Variants in FAT4 observed in about 807,000 individuals in gnomAD.
The protein encoded by FAT4 is protocadherin Fat 4.
Under a neutral mutation model 303.9 loss-of-function variants are expected in FAT4, and 84 were observed. That is an observed-to-expected ratio of 0.28 (90% CI 0.23 to 0.33). The LOEUF is 0.33. FAT4 is among the 10% of genes least tolerant of loss of function. The pLI, the probability that FAT4 is intolerant of heterozygous loss-of-function variation, is 1.00. For synonymous variants in FAT4, 2,307 were observed against 2,298.8 expected (o/e 1.00, Z -0.10); for missense variants, 6,005 against 6,146.8 (o/e 0.98, Z 0.77).
Position 125,450,593 on chromosome 4 carries a change from G to A in FAT4, c.9583G>A (p.Val3195Ile), listed in dbSNP as rs143764643. ...GATTGATGTGAATGATAATTCTCCA[G>A]TATTCCTCTCTGATGACTATTTCCC... ...NVIDVNDNSP[V>I]FLSDDYFPTV... Residue 3195 changes from valine (V) to isoleucine (I), a missense_variant, in exon 10 of 18, where the codon GTA becomes ATA. Transcript: ENST00000394329. The A allele has an allele frequency of 6.2e-6, 10 of 1,614,100 alleles. No homozygotes were observed. In the Middle Eastern group the frequency reaches 6.6e-4, roughly 107 times the overall value.
intron 16 of FAT4, among the ~76,000 whole-genome samples, chr4:125,482,437 T>G (rs1184248885): frequency 6.6e-6 from 1 of 152,120 alleles, no homozygotes; most frequent in Non-Finnish European, 1.5e-5. Flanking sequence ...TAGATATCCA[T>G]TTTTGCATCG....
At chr4:125,447,269 A>G (rs1725858220) in intron 9 of FAT4, among the ~76,000 whole-genome samples, 1 of 152,124 alleles carries the variant, frequency 6.6e-6, no homozygotes, top group Non-Finnish European at 1.5e-5. Context: ...AATATAGCTC[A>G]TTATTGATTT....
rs1370558546 is a variant in FAT4 at position 125,320,498 on chromosome 4, T to G, written c.4087T>G (p.Phe1363Val). The change falls in exon 2 of 18, where the codon TTT (phenylalanine) becomes GTT (valine). Residue 1363 changes from phenylalanine (F) to valine (V), a missense_variant. By Grantham distance (50) the Phe-to-Val change is conservative. Coordinates refer to ENST00000394329, the MANE Select transcript of FAT4 (RefSeq NM_001291303.3). ...TACTGGGACTAACAACCACGGAACT[T>G]TTAGCATTAGCCCAAACACTGGGAG... Reference protein sequence around the residue: ...SITGTNNHGTFSISPNTGSIF... With the variant: ...SITGTNNHGTVSISPNTGSIF... 1.2e-6 allele frequency: 2 copies of G among 1,613,960 alleles called. No individual in the cohort carries two copies. Among genetic ancestry groups the G allele is most frequent in the Non-Finnish European group, 8.5e-7 (1 of 1,180,002 alleles).
At chr4:125,321,742 T>C (rs1730962796) in intron 2 of FAT4, among the ~76,000 whole-genome samples, 156 bp downstream of exon 2, 2 of 152,160 alleles carry the variant, frequency 1.3e-5, no homozygotes. Context: ...TAACAGAGAG[T>C]TACATAAACT....
Position 125,448,899 on chromosome 4 carries a change from A to G in FAT4, c.7889A>G (p.Asp2630Gly). The stretch of plus-strand genomic sequence containing the variant: ...CAGGTGTCTATTAGTCAACCTCTGG[A>G]TTTTGAAAAGATACAAAAATATGTT... The part of the protein sequence containing the change: ...TGQVSISQPL[D>G]FEKIQKYVVW... Residue 2630 changes from aspartate to glycine, a missense_variant, in exon 10 of 18, where the codon GAT (aspartate) becomes GGT (glycine). Transcript: ENST00000394329. 1 of 1,611,202 alleles carries G rather than the reference A, an allele frequency of 6.2e-7. No individual in the cohort carries two copies. Among genetic ancestry groups the G allele is most frequent in the Non-Finnish European group, 8.5e-7 (1 of 1,179,358 alleles).
Position 125,415,591 on chromosome 4 carries a change from G to A in FAT4, c.6628G>A (p.Ala2210Thr). 1 of 1,614,038 alleles carries A rather than the reference G, an allele frequency of 6.2e-7. No individual in the cohort carries two copies. Among genetic ancestry groups the A allele is most frequent in the Non-Finnish European group, 8.5e-7 (1 of 1,179,978 alleles). The stretch of plus-strand genomic sequence containing the variant: ...ATTTCGGATAGACTCTGTCACAGGT[G>A]CCATCACTGTCGCTAAACCTTTGGA... ...QEFRIDSVTG[A>T]ITVAKPLDRE... Residue 2210 changes from alanine to threonine, a missense_variant, in exon 6 of 18, where the codon GCC (alanine) becomes ACC (threonine). Physicochemically the swap from Ala to Thr is moderately conservative, Grantham distance 58. Transcript: ENST00000394329.
chr4:125,316,422 C>A lies in FAT4; in HGVS notation c.11C>A (p.Ala4Glu), dbSNP rs771790673. 6.2e-7 allele frequency: 1 copy of A among 1,609,762 alleles called. No individual in the cohort carries two copies. Residue 4 changes from alanine to glutamate, a missense_variant, in exon 2 of 18, where the codon GCA becomes GAA. Ala to Glu is a moderately radical substitution (Grantham distance 107, BLOSUM62 -1). Transcript: ENST00000394329. The surrounding 1 kb of genome is among the most constrained non-coding windows in gnomAD (Gnocchi z 5.7). MDL[A>E]PDRATGRPWL... is the part of the protein sequence containing the mutation. ...TAGGGAGCCAGGACCATGGACTTAGCACCAGACAGGGCTACTGGCCGCCCG... is the reference window on the plus strand; with the variant it reads ...TAGGGAGCCAGGACCATGGACTTAGAACCAGACAGGGCTACTGGCCGCCCG...
At position 125,320,312 on chromosome 4, in the gene FAT4, T is replaced by G; in HGVS notation, c.3901T>G (p.Leu1301Val). The G allele has an allele frequency of 1.2e-6, 2 of 1,613,308 alleles. No individual in the cohort carries two copies. Among genetic ancestry groups the G allele is most frequent in the Non-Finnish European group, 1.7e-6 (2 of 1,179,266 alleles). ...GTIPLNSTCT[L>V]NIDILDENDN... ...AATCCCCCTCAATTCAACGTGTACT[T>G]TAAATATTGATATTTTAGATGAAAA... The change falls in exon 2 of 18, where the codon TTA (leucine) becomes GTA (valine). Residue 1301 changes from leucine to valine, a missense_variant. Physicochemically the swap from Leu to Val is conservative, Grantham distance 32. Coordinates refer to ENST00000394329, the MANE Select transcript of FAT4 (RefSeq NM_001291303.3).
Position 125,451,125 on chromosome 4 carries a change from C to T in FAT4, c.10115C>T (p.Ser3372Phe), listed in dbSNP as rs1263758558. The change falls in exon 10 of 18, where the codon TCT (serine) becomes TTT (phenylalanine). Residue 3372 changes from serine to phenylalanine, a missense_variant. By Grantham distance (155) the Ser-to-Phe change is radical. Coordinates refer to ENST00000394329, the MANE Select transcript of FAT4 (RefSeq NM_001291303.3). ...ILDREKEERV[S>F]LKVLAKNFGS... The stretch of plus-strand genomic sequence containing the variant: ...GATCGAGAAAAAGAAGAAAGGGTGT[C>T]TTTGAAGGTATTGGCCAAGAACTTT... 2 of 1,613,914 alleles carry T rather than the reference C, an allele frequency of 1.2e-6. No homozygotes were observed. Among genetic ancestry groups the T allele is most frequent in the African/African-American group, 2.7e-5 (2 of 74,876 alleles).
Position 125,449,686 on chromosome 4 carries a change from A to G in FAT4, c.8676A>G (p.Lys2892=). ...CTGAACTTACTGAGATTGGCTCCAA[A>G]GTAACTCAGGTATTTGCAACAGATC... ...DCPELTEIGS[K]VTQVFATDPD... is the part of the protein sequence containing the mutation. The change falls in exon 10 of 18, where the codon AAA becomes AAG. Residue 2892 remains lysine (K), a synonymous_variant. Coordinates refer to ENST00000394329, the MANE Select transcript of FAT4 (RefSeq NM_001291303.3). The G allele has an allele frequency of 2.5e-6, 4 of 1,613,972 alleles. No homozygotes were observed. The highest frequency in any genetic ancestry group is 2.2e-5 in the East Asian group (1 of 44,860).
intron 9 of FAT4, among the ~76,000 whole-genome samples, chr4:125,446,976 A>G (rs937174781): frequency 2.0e-5 from 3 of 152,042 alleles, no homozygotes; most frequent in Non-Finnish European, 4.4e-5. Context: ...TCAGTGGAAA[A>G]TGAATATTTG....
At chr4:125,355,741 G>A (rs1216268191) in intron 2 of FAT4, among the ~76,000 whole-genome samples, 1 of 151,572 alleles carries the variant, frequency 6.6e-6, no homozygotes, top group Non-Finnish European at 1.5e-5. Flanking sequence ...AATAATCAGT[G>A]GACTCAATTG....
chr4:125,435,691 G>A (rs1578640314), intron 8 of FAT4, among the ~76,000 whole-genome samples: 1 of 152,140 alleles, frequency 6.6e-6, no homozygotes, highest in African/African-American at 2.4e-5. Flanking sequence ...GGACCAGAGT[G>A]AGAAAGGAGT....
At chr4:125,350,476 G>C (rs1172983158) in intron 2 of FAT4, among the ~76,000 whole-genome samples, 2 of 151,624 alleles carry the variant, frequency 1.3e-5, no homozygotes, top group African/African-American at 2.4e-5. Flanking sequence ...TTCGTTTCTT[G>C]TATACAGCAG....
At chr4:125,356,549 G>GTTTTTTTTTTTTTTT (rs57855830) in intron 2 of FAT4, among the ~76,000 whole-genome samples, 3 of 131,440 alleles carry the variant, frequency 2.3e-5, no homozygotes, top group Non-Finnish European at 1.6e-5. Context: ...TTTGTTTTTT[G>GTTTTTTTTTTTTTTT]TTTTTTTTTT....
chr4:125,381,420 G>C (rs1294577819), intron 2 of FAT4, among the ~76,000 whole-genome samples: 1 of 151,614 alleles, frequency 6.6e-6, no homozygotes, highest in Non-Finnish European at 1.5e-5. Flanking sequence ...AATAAAGCAA[G>C]TCATACAGTT....
At chr4:125,415,881 C>T (rs1176829224) in intron 6 of FAT4, 75 bp downstream of exon 6, 7 of 1,102,180 alleles carry the variant, frequency 6.4e-6, no homozygotes, top group East Asian at 2.6e-5. Context: ...TCTTCTACAG[C>T]GTTTACGCTT....
At chr4:125,416,025 AG>A (rs2126028428) in intron 6 of FAT4, among the ~76,000 whole-genome samples, 1 of 152,294 alleles carries the variant, frequency 6.6e-6, no homozygotes, top group East Asian at 1.9e-4. Flanking sequence ...GTATTTTACT[AG>A]CTTTCTTTTG....
In FAT4 at chr4:125,319,594, A is replaced by G; in HGVS notation, c.3183A>G (p.Glu1061=). 1 of 1,614,048 alleles carries G rather than the reference A, an allele frequency of 6.2e-7. No homozygotes were observed. Among genetic ancestry groups the G allele is most frequent in the Non-Finnish European group, 8.5e-7 (1 of 1,179,890 alleles). ...ATATAAAAAGTGAACTGGACCGTGA[A>G]CTTCAAGACAGATATGTTTTAATGG... ...QLYIKSELDR[E]LQDRYVLMVV... Residue 1061 remains glutamate, a synonymous_variant, in exon 2 of 18, where the codon GAA becomes GAG. Transcript: ENST00000394329.
Sources: gnomAD v4.1 joint callset for allele counts (sites outside exome capture counted in the v4.1 genomes callset) on GRCh38, gnomAD v4.1.1 for gene constraint, Gnocchi (gnomAD v3.1) non-coding constraint, MANE v1.5 for transcripts, NCBI Gene and HGNC (gene_info 2026-07-23, HGNC 2026-07-21) for gene names.